Variants in PRRC2B observed in about 807,000 individuals in gnomAD.
The protein encoded by PRRC2B is proline rich coiled-coil 2B.
In PRRC2B, 68 loss-of-function variants were observed where a neutral mutation model predicts 242.3. The ratio of observed to expected loss-of-function variants is 0.28; its 90% CI spans 0.23 to 0.34. PRRC2B has a LOEUF of 0.34. Ranked by LOEUF, PRRC2B falls within the 10% of genes least tolerant of loss-of-function variation. The pLI is 1.00. For missense variants in PRRC2B, 2,835 were observed against 2,954.8 expected, an observed-to-expected ratio of 0.96 and a Z score of 0.94; for synonymous variants, 1,228 against 1,173.6, an observed-to-expected ratio of 1.05 and a Z score of -0.95.
chr9:131,458,527 GTCTC>G (rs370160922), intron 10 of PRRC2B, among the ~76,000 whole-genome samples: 21 of 150,288 alleles, frequency 1.4e-4, no homozygotes, highest in African/African-American at 4.9e-4. Flanking sequence ...CTGAGACGGA[GTCTC>G]TCTCTGTTTG....
chr9:131,432,609 C>G lies in PRRC2B; in HGVS notation c.116-8C>G. ...CATGGTGTCTGTTCCATGTCCCTCT[C>G]CCTGCAGTTATTCCTAGACATGGCT... On this transcript the variant is annotated splice_region_variant and splice_polypyrimidine_tract_variant and intron_variant, in intron 2 of 31. Transcript: ENST00000683519. 1 of 1,613,210 alleles carries G rather than the reference C, an allele frequency of 6.2e-7. No homozygotes were observed. The highest frequency in any genetic ancestry group is 8.5e-7 in the Non-Finnish European group (1 of 1,179,396).
At chr9:131,464,736 C>A in intron 11 of PRRC2B, 27 bp from the exon 12 acceptor site, 1 of 1,548,420 alleles carries the variant, frequency 6.5e-7, no homozygotes, top group Non-Finnish European at 8.7e-7. Context: ...GACCCACCGC[C>A]TTATCTCAGA....
chr9:131,411,326 T>TTTTTG (rs1157049984), intron 1 of PRRC2B, among the ~76,000 whole-genome samples: 1 of 142,086 alleles, frequency 7.0e-6, no homozygotes, highest in Non-Finnish European at 1.5e-5. Flanking sequence ...TTTGTTTGTT[T>TTTTTG]TTTTGTTTTG....
intron 1 of PRRC2B, among the ~76,000 whole-genome samples, chr9:131,420,501 T>TC (rs1837804218): frequency 5.3e-4 from 10 of 19,040 alleles, no homozygotes; most frequent in Middle Eastern, 0.031. Context: ...TTCTTTTTTT[T>TC]TTTTTTTTTG....
chr9:131,483,308 G>T, intron 22 of PRRC2B, 51 bp from the exon 23 acceptor site: 1 of 1,529,170 alleles, frequency 6.5e-7, no homozygotes, highest in East Asian at 2.2e-5. Context: ...TCTGGGGAAT[G>T]TAGGGCCAGG....
At chr9:131,493,247 C>T (rs1233994304) in intron 30 of PRRC2B, among the ~76,000 whole-genome samples, 1 of 152,204 alleles carries the variant, frequency 6.6e-6, no homozygotes, top group Non-Finnish European at 1.5e-5. Context: ...CCTCCCATTC[C>T]ATCTTTTCTG....
rs759337542 is a variant in PRRC2B at position 131,487,226 on chromosome 9, G to T, written c.5916G>T (p.Gln1972His). The T allele has an allele frequency of 1.4e-5, 22 of 1,613,710 alleles. No individual in the cohort carries two copies. In the Middle Eastern group the frequency reaches 1.3e-3, roughly 97 times the overall value. Residue 1972 changes from glutamine (Q) to histidine (H), a missense_variant, in exon 27 of 32, where the codon CAG (glutamine) becomes CAT (histidine). Gln to His is a conservative substitution (Grantham distance 24). Coordinates refer to ENST00000683519, the MANE Select transcript of PRRC2B (RefSeq NM_013318.4). This position sits in a 1 kb window ranked among gnomAD's most constrained non-coding sequence, Gnocchi z 5.3. ...SLHTSLQAQA[Q>H]LGLRGGLPVS... Reference sequence around the variant, plus strand: ...ACACATCTCTGCAGGCACAAGCTCAGCTTGGACTGAGGGGTGGGCTTCCTG... The same window carrying T: ...ACACATCTCTGCAGGCACAAGCTCATCTTGGACTGAGGGGTGGGCTTCCTG...
At chr9:131,435,307 G>GAA (rs770469458) in intron 3 of PRRC2B, among the ~76,000 whole-genome samples, 6 of 126,852 alleles carry the variant, frequency 4.7e-5, no homozygotes, top group East Asian at 4.7e-4. Flanking sequence ...CGAAAAAAAA[G>GAA]AAAAGAAAAA....
At chr9:131,423,729 G>T (rs933011) in intron 1 of PRRC2B, among the ~76,000 whole-genome samples, 111,155 of 152,124 alleles carry the variant, frequency 0.73, 41,993 homozygotes, top group East Asian at 0.93. Flanking sequence ...GCCGGCCCCT[G>T]CTCTGATGGA....
chr9:131,450,142 T>G (rs1942863926), intron 9 of PRRC2B, among the ~76,000 whole-genome samples: 1 of 152,232 alleles, frequency 6.6e-6, no homozygotes, highest in African/African-American at 2.4e-5. Flanking sequence ...TTTCCAACTT[T>G]GTCGTTTTCC....
intron 2 of PRRC2B, among the ~76,000 whole-genome samples, chr9:131,431,808 G>C (rs761283945): frequency 1.4e-4 from 21 of 147,960 alleles, no homozygotes; most frequent in Admixed American, 3.4e-4. Context: ...GGATGGTCTC[G>C]ATCTCCTGAC....
At chr9:131,387,695 G>A (rs745757319) in intron 1 of PRRC2B, among the ~76,000 whole-genome samples, 2 of 149,774 alleles carry the variant, frequency 1.3e-5, no homozygotes, top group South Asian at 4.3e-4. Flanking sequence ...AGTGGAGAAG[G>A]TAAAGAGCTC....
chr9:131,494,674 G>A lies in PRRC2B; in HGVS notation c.6555+188G>A, dbSNP rs780364154. On this transcript the variant is annotated intron_variant, in intron 31 of 31. Transcript: ENST00000683519. The surrounding 1 kb of genome is among the most constrained non-coding windows in gnomAD (Gnocchi z 4.3). ...TCCTGGCGAAGGCATTTCTCCTCTT[G>A]ACGGGCGTCTGGATCCTTCCTTGTC... 1.3e-5 allele frequency among the ~76,000 whole-genome samples: 2 copies of A among 152,222 alleles called. No individual in the cohort carries two copies. Among genetic ancestry groups the A allele is most frequent in the Admixed American group, 6.5e-5 (1 of 15,288 alleles).
chr9:131,441,709 G>A (rs923702574), intron 5 of PRRC2B, among the ~76,000 whole-genome samples: 18 of 152,218 alleles, frequency 1.2e-4, no homozygotes, highest in African/African-American at 4.3e-4. Context: ...GCCCACAAGT[G>A]TTTTCATGAC....
chr9:131,452,452 G>T (rs181880836), intron 9 of PRRC2B, among the ~76,000 whole-genome samples: 1 of 152,270 alleles, frequency 6.6e-6, no homozygotes. Flanking sequence ...TCGGTAAGTT[G>T]TGTTTTTTGA....
At chr9:131,378,183 C>T (rs1836709857) in intron 1 of PRRC2B, among the ~76,000 whole-genome samples, 1 of 152,022 alleles carries the variant, frequency 6.6e-6, no homozygotes, top group African/African-American at 2.4e-5. Flanking sequence ...GTGGTACCCA[C>T]CTGTAATCCC....
chr9:131,405,015 A>T (rs1837327089), intron 1 of PRRC2B, among the ~76,000 whole-genome samples: 1 of 152,230 alleles, frequency 6.6e-6, no homozygotes, highest in African/African-American at 2.4e-5. Context: ...ATCAGCTTAT[A>T]TGTGTGAGCG....
chr9:131,492,246 G>A lies in PRRC2B; in HGVS notation c.6459G>A (p.Ser2153=), dbSNP rs748614445. 43 of 1,613,418 alleles carry A rather than the reference G, an allele frequency of 2.7e-5. No individual in the cohort carries two copies. Among genetic ancestry groups the A allele is most frequent in the African/African-American group, 4.0e-5 (3 of 74,904 alleles). Residue 2153 remains serine, a synonymous_variant, in exon 30 of 32, where the codon TCG becomes TCA. Transcript: ENST00000683519. ...QNVPSGGPVP[S]PQTYRPSSAS... Reference sequence around the variant, plus strand: ...TCCCTTCAGGAGGCCCCGTGCCATCGCCACAGACCTACAGGTAAAGCCACT... The same window carrying A: ...TCCCTTCAGGAGGCCCCGTGCCATCACCACAGACCTACAGGTAAAGCCACT...
intron 23 of PRRC2B, 104 bp downstream of exon 23, chr9:131,483,549 T>C (rs1943933377): frequency 1.0e-6 from 1 of 988,130 alleles, no homozygotes; most frequent in Non-Finnish European, 1.6e-6. Context: ...GGCTGGCACG[T>C]GACTCAGTTG....
Sources: allele counts gnomAD v4.1 joint callset (sites outside exome capture counted in the v4.1 genomes callset), GRCh38; gene constraint gnomAD v4.1.1; non-coding constraint Gnocchi (gnomAD v3.1); transcripts MANE v1.5; gene names NCBI Gene and HGNC (gene_info 2026-07-23, HGNC 2026-07-21).